The following STIM2 variants were observed in gnomAD, a reference collection of about 807,000 sequenced individuals.
STIM2 encodes the protein stromal interaction molecule 2.
A neutral mutation model predicts 85.8 loss-of-function variants in STIM2; 31 were observed. The ratio of observed to expected loss-of-function variants is 0.36; its 90% CI spans 0.27 to 0.49. The LOEUF (loss-of-function observed/expected upper bound fraction) is 0.49. Among genes scored for constraint, STIM2 ranks in the 20% least tolerant of loss-of-function variants. STIM2 has a pLI of 0.98. For synonymous variants in STIM2, 356 were observed against 331.1 expected, an observed-to-expected ratio of 1.08 and a Z score of -0.82; for missense variants, 841 against 927.6, an observed-to-expected ratio of 0.91 and a Z score of 1.21.
In STIM2 at chr4:26,861,014, G is replaced by A; in HGVS notation, c.-205G>A. 1 of 1,256,436 alleles carries A rather than the reference G, an allele frequency of 8.0e-7. No homozygotes were observed. 77.8% of individuals were successfully genotyped at this position (1,256,436 alleles called of 1,614,324 possible). On this transcript the variant is annotated 5_prime_UTR_variant, in exon 1 of 12. The change creates a premature stop within an existing upstream ORF in the 5' untranslated region. Transcript: ENST00000467087. The stretch of plus-strand genomic sequence containing the variant: ...CCGCCGGTGCCGATGGGACCAGGCT[G>A]GCGCCCGGCGGGAGCCCGTGTCTGA...
rs887863935 is a variant in STIM2, at chr4:27,024,052, A to G, written c.*1056A>G. The G allele has an allele frequency of 4.6e-5, 7 of 152,652 alleles. No individual in the cohort carries two copies. Among genetic ancestry groups the G allele is most frequent in the Non-Finnish European group, 1.0e-4 (7 of 68,046 alleles). The allele number at this position is 152,652 out of a possible 1,614,324, so 9.5% of individuals were successfully genotyped here. ...TAAGCTGTCTTGTTGCTTAGTTGCA[A>G]TATAAGAAATAGTGATGTTTTGGAC... On this transcript the variant is annotated 3_prime_UTR_variant, in exon 12 of 12. Transcript: ENST00000467087.
chr4:26,972,895 T>TTAATTA (rs1727018282), intron 3 of STIM2, among the ~76,000 whole-genome samples: 1 of 152,200 alleles, frequency 6.6e-6, no homozygotes, highest in Non-Finnish European at 1.5e-5. Context: ...TGGTAGGCTA[T>TTAATTA]TAATTATTGC....
chr4:26,947,771 T>C (rs1273811861), intron 2 of STIM2, among the ~76,000 whole-genome samples: 1 of 152,220 alleles, frequency 6.6e-6, no homozygotes, highest in Non-Finnish European at 1.5e-5. Context: ...ATTCTGTTTC[T>C]GTTGTTTTGT....
intron 1 of STIM2, among the ~76,000 whole-genome samples, chr4:26,905,751 T>C (rs1724100358): frequency 6.6e-6 from 1 of 152,182 alleles, no homozygotes. Flanking sequence ...ATTTACTGAG[T>C]GCTATGTGCC....
intron 3 of STIM2, among the ~76,000 whole-genome samples, chr4:26,982,995 C>T (rs1201812482): frequency 6.6e-6 from 1 of 152,212 alleles, no homozygotes; most frequent in Admixed American, 6.5e-5. Context: ...CTTTCAGGGG[C>T]CTGCCTTATG....
In STIM2 at chr4:27,022,709, G is replaced by T; in HGVS notation, c.1954G>T (p.Asp652Tyr). The change falls in exon 12 of 12, where the codon GAC becomes TAC. Residue 652 changes from aspartate to tyrosine, a missense_variant. Coordinates refer to ENST00000467087, the MANE Select transcript of STIM2 (RefSeq NM_020860.4). ...TGTGGATGTGTCTTGGGGTTCTCCC[G>T]ACTGTGTAGGTCTGACAGAAACTAA... 6.2e-7 allele frequency: 1 copy of T among 1,614,186 alleles called. No homozygotes were observed. Among genetic ancestry groups the T allele is most frequent in the Non-Finnish European group, 8.5e-7 (1 of 1,180,030 alleles).
At chr4:27,021,237 A>C in intron 11 of STIM2, 1 of 582,722 alleles carries the variant, frequency 1.7e-6, no homozygotes, top group Non-Finnish European at 3.0e-6. Context: ...GTCCTTATTT[A>C]TTTCTTTTTT....
intron 2 of STIM2, among the ~76,000 whole-genome samples, chr4:26,933,744 A>AAAC (rs947608836): frequency 6.6e-6 from 1 of 151,292 alleles, no homozygotes; most frequent in Non-Finnish European, 1.5e-5. Context: ...AAAAAAAAAA[A>AAAC]AAAAAAAAAA....
intron 7 of STIM2, among the ~76,000 whole-genome samples, chr4:27,003,946 A>G (rs949490201): frequency 6.6e-6 from 1 of 152,126 alleles, no homozygotes; most frequent in African/African-American, 2.4e-5. Flanking sequence ...TGCTTTCTTT[A>G]CTGATAATGA....
chr4:26,885,766 A>G (rs1421059416), intron 1 of STIM2, among the ~76,000 whole-genome samples: 6 of 144,050 alleles, frequency 4.2e-5, no homozygotes, highest in Admixed American at 3.5e-4. Context: ...AACTGAAAAT[A>G]TAGCATTCAG....
intron 2 of STIM2, 27 bp downstream of exon 2, chr4:26,919,661 ATTGTC>A (rs1432056045): frequency 1.2e-6 from 2 of 1,612,422 alleles, no homozygotes; most frequent in African/African-American, 2.7e-5. Flanking sequence ...TTTCCTTGCT[ATTGTC>A]TTAGAACAGA....
At position 27,023,752 on chromosome 4, in the gene STIM2, A is replaced by C. The variant is rs1181928335; in HGVS notation, c.*756A>C. The C allele has an allele frequency of 6.5e-6, 1 of 152,678 alleles. No individual in the cohort carries two copies. Among genetic ancestry groups the C allele is most frequent in the Non-Finnish European group, 1.5e-5 (1 of 68,042 alleles). 9.5% of individuals were successfully genotyped at this position (152,678 alleles called of 1,614,324 possible). On this transcript the variant is annotated 3_prime_UTR_variant, in exon 12 of 12. Coordinates refer to ENST00000467087, the MANE Select transcript of STIM2 (RefSeq NM_020860.4). ...TGCATTGCAGGCTGTATGATAAAAC[A>C]CACATAATTTAAAGAGAGAAGGCTC...
chr4:26,960,151 G>A (rs1009011890), intron 3 of STIM2, among the ~76,000 whole-genome samples: 3 of 152,054 alleles, frequency 2.0e-5, no homozygotes, highest in South Asian at 2.1e-4. Flanking sequence ...TGAGTGTGCC[G>A]GGCTCTGCTT....
Position 27,023,906 on chromosome 4 carries a change from AT to A in STIM2, c.*913del, listed in dbSNP as rs1368935887. The A allele has an allele frequency of 6.6e-5, 10 of 152,660 alleles. No homozygotes were observed. The highest frequency in any genetic ancestry group is 3.3e-4 in the Admixed American group (5 of 15,284). 9.5% of individuals were successfully genotyped at this position (152,660 alleles called of 1,614,324 possible). On this transcript the variant is annotated 3_prime_UTR_variant, in exon 12 of 12. Transcript: ENST00000467087. ...TACACACTTTGAATAACTGCAAAGG[AT>A]TTACGGTTTGTGAAAAATGTGTACT... is the stretch of plus-strand genomic sequence containing the variant.
At chr4:26,973,468 C>A (rs1727052444) in intron 3 of STIM2, among the ~76,000 whole-genome samples, 1 of 152,158 alleles carries the variant, frequency 6.6e-6, no homozygotes, top group Admixed American at 6.5e-5. Context: ...CAAAGAACAT[C>A]TTTATTTCTG....
rs1472441257 is a variant in STIM2, at chr4:26,860,908, C to T, written c.-311C>T. 19 of 1,103,434 alleles carry T rather than the reference C, an allele frequency of 1.7e-5. No individual in the cohort carries two copies. The highest frequency in any genetic ancestry group is 2.8e-4 in the Middle Eastern group (1 of 3,592). 68.4% of individuals were successfully genotyped at this position (1,103,434 alleles called of 1,614,324 possible). On this transcript the variant is annotated 5_prime_UTR_variant, in exon 1 of 12. Coordinates refer to ENST00000467087, the MANE Select transcript of STIM2 (RefSeq NM_020860.4). ...TCGTGCACCGCCTGAAGACGCCGTA[C>T]CTTTCTACCCCCCACCTTTTTTTTT...
chr4:26,946,460 T>G (rs1725835733), intron 2 of STIM2, among the ~76,000 whole-genome samples: 1 of 152,126 alleles, frequency 6.6e-6, no homozygotes, highest in Middle Eastern at 3.2e-3. Context: ...TGAGTGGAAC[T>G]GCTCAAGTCA....
At position 27,008,760 on chromosome 4, in the gene STIM2, C is replaced by T. The variant is rs778725027; in HGVS notation, c.1251-4C>T. ...GTAAGTAATTTCTTTATTGGCTTTTCCAGGAAAGCTCTCTCTGAGTTGACA... is the reference window on the plus strand; with the variant it reads ...GTAAGTAATTTCTTTATTGGCTTTTTCAGGAAAGCTCTCTCTGAGTTGACA... On this transcript the variant is annotated splice_polypyrimidine_tract_variant and splice_region_variant and intron_variant, in intron 9 of 11. Transcript: ENST00000467087. 6.2e-7 allele frequency: 1 copy of T among 1,613,754 alleles called. No individual in the cohort carries two copies. Among genetic ancestry groups the T allele is most frequent in the South Asian group, 1.1e-5 (1 of 91,058 alleles).
intron 11 of STIM2, among the ~76,000 whole-genome samples, chr4:27,020,401 T>G (rs1486420890): frequency 6.6e-6 from 1 of 152,232 alleles, no homozygotes; most frequent in Non-Finnish European, 1.5e-5. Context: ...GTCTGATCAT[T>G]TCCTCATATC....
Sources: allele counts gnomAD v4.1 joint callset (sites outside exome capture counted in the v4.1 genomes callset), GRCh38; gene constraint gnomAD v4.1.1; transcripts MANE v1.5; gene names NCBI Gene and HGNC (gene_info 2026-07-23, HGNC 2026-07-21).